TMEM131: variants seen among roughly 807,000 people sequenced by gnomAD.
TMEM131 encodes the protein transmembrane protein 131.
A neutral mutation model predicts 211.6 loss-of-function variants in TMEM131; 66 were observed. That is an observed-to-expected ratio of 0.31 (90% CI 0.26 to 0.38). The LOEUF (loss-of-function observed/expected upper bound fraction) is 0.38, where lower values mean the gene tolerates loss of function less well. Among genes scored for constraint, TMEM131 ranks in the 10% least tolerant of loss-of-function variants. The pLI is 1.00. For missense variants in TMEM131, 2,036 were observed against 2,299.3 expected, an observed-to-expected ratio of 0.89 and a Z score of 2.34; for synonymous variants, 844 against 841.3, an observed-to-expected ratio of 1.00 and a Z score of -0.06.
At position 97,762,189 on chromosome 2, in the gene TMEM131, G is replaced by C. The variant is rs1678890478; in HGVS notation, c.4735C>G (p.Leu1579Val). 1.2e-6 allele frequency: 2 copies of C among 1,613,964 alleles called. No homozygotes were observed. The highest frequency in any genetic ancestry group is 1.7e-6 in the Non-Finnish European group (2 of 1,179,872). ...AGGGTTTGCAGAGAAAGTTTATAAA[G>C]ACTATCAGTAGCTGGAAATTAAAAA... ...VHKPGSSTDSLYKLSLQTLNA... is the reference protein window; with the variant it reads ...VHKPGSSTDSVYKLSLQTLNA... Residue 1579 changes from leucine to valine, a missense_variant, in exon 36 of 41, where the codon CTT becomes GTT. Coordinates refer to ENST00000186436, the MANE Select transcript of TMEM131 (RefSeq NM_015348.2).
chr2:97,995,543 G>T lies in TMEM131; in HGVS notation c.120C>A (p.Ala40=), dbSNP rs909835436. Reference sequence around the variant, plus strand: ...CCAGGTGCAGCGCGCCTAGGAGGCCGGCGGCCGCGCTCCGCGGGCCCCCGC... The same window carrying T: ...CCAGGTGCAGCGCGCCTAGGAGGCCTGCGGCCGCGCTCCGCGGGCCCCCGC... ...ARSGGPRSAA[A]GLLGALHLVM... is the part of the protein sequence containing the mutation. The change falls in exon 1 of 41, where the codon GCC becomes GCA. Residue 40 remains alanine (A), a synonymous_variant. Coordinates refer to ENST00000186436, the MANE Select transcript of TMEM131 (RefSeq NM_015348.2). The T allele has an allele frequency of 4.5e-6, 6 of 1,341,504 alleles. No individual in the cohort carries two copies. The highest frequency in any genetic ancestry group is 5.8e-6 in the Non-Finnish European group (6 of 1,041,748). 83.1% of individuals were successfully genotyped at this position (1,341,504 alleles called of 1,614,324 possible). A position where few individuals can be genotyped will look rare whatever the true frequency, so the allele number is the denominator to read the frequency against.
chr2:97,985,067 T>C (rs1679964476), intron 1 of TMEM131, among the ~76,000 whole-genome samples: 2 of 152,112 alleles, frequency 1.3e-5, no homozygotes, highest in Admixed American at 6.5e-5. Context: ...CTAATAACTC[T>C]TAAAACTAAA....
At chr2:97,902,123 G>T (rs975458817) in intron 3 of TMEM131, among the ~76,000 whole-genome samples, 1 of 151,696 alleles carries the variant, frequency 6.6e-6, no homozygotes, top group South Asian at 2.1e-4. Flanking sequence ...ATCCTAAATG[G>T]GATACAGAGA....
At chr2:97,876,338 C>A (rs533107139) in intron 4 of TMEM131, among the ~76,000 whole-genome samples, 81 of 152,276 alleles carry the variant, frequency 5.3e-4, no homozygotes, top group African/African-American at 1.9e-3. Context: ...AAGAGGGAAT[C>A]CTCCCTAACT....
chr2:97,943,041 G>GAAAAGA (rs779804229), intron 1 of TMEM131, among the ~76,000 whole-genome samples: 80 of 36,570 alleles, frequency 2.2e-3, no homozygotes, highest in South Asian at 7.4e-3. Flanking sequence ...GAAAAGAAAA[G>GAAAAGA]AAAGAAAGAA....
chr2:97,961,991 T>A (rs1198160329), intron 1 of TMEM131, among the ~76,000 whole-genome samples: 1 of 152,200 alleles, frequency 6.6e-6, no homozygotes, highest in Non-Finnish European at 1.5e-5. Flanking sequence ...TCCCACCTCC[T>A]ACCATATATA....
chr2:97,920,520 T>A (rs1383246168), intron 2 of TMEM131, among the ~76,000 whole-genome samples: 1 of 152,202 alleles, frequency 6.6e-6, no homozygotes, highest in East Asian at 1.9e-4. Context: ...CAAGCTCAGA[T>A]GATAGTTTAT....
intron 31 of TMEM131, 35 bp from the exon 32 acceptor site, chr2:97,776,053 TTTTG>T (rs1295477362): frequency 7.6e-6 from 12 of 1,584,400 alleles, no homozygotes; most frequent in Non-Finnish European, 9.4e-6. Flanking sequence ...GAACTCTTGT[TTTTG>T]TTTCTTTTTT....
chr2:97,919,952 C>T (rs1676672943), intron 2 of TMEM131, among the ~76,000 whole-genome samples: 1 of 152,216 alleles, frequency 6.6e-6, no homozygotes, highest in Admixed American at 6.5e-5. Context: ...GTGAAAAACA[C>T]TGTTGGCTAC....
At chr2:97,885,341 G>A (rs931982139) in intron 4 of TMEM131, among the ~76,000 whole-genome samples, 38 of 150,732 alleles carry the variant, frequency 2.5e-4, no homozygotes, top group African/African-American at 8.2e-4. Flanking sequence ...ACAGGCGCCC[G>A]CCACCACGCC....
At chr2:97,898,984 A>C (rs1675735768) in intron 3 of TMEM131, among the ~76,000 whole-genome samples, 1 of 151,942 alleles carries the variant, frequency 6.6e-6, no homozygotes, top group African/African-American at 2.4e-5. Context: ...TCAAATCTAC[A>C]CCCTTGCTGA....
In TMEM131 at chr2:97,794,810, G is replaced by C. The variant is rs573687327; in HGVS notation, c.3386+120C>G. The C allele has an allele frequency of 5.3e-5, 40 of 751,894 alleles. No individual in the cohort carries two copies. In the Admixed American group the frequency reaches 9.9e-4, roughly 19 times the overall value. The allele number at this position is 751,894 out of a possible 1,614,324, so 46.6% of individuals were successfully genotyped here. A position where few individuals can be genotyped will look rare whatever the true frequency, so the allele number is the denominator to read the frequency against. On this transcript the variant is annotated intron_variant, in intron 29 of 40. Transcript: ENST00000186436. ...CCAGTCTGTGAGATTGATAAAGGCA[G>C]AGTTCTGTCTTGTTTGCTGGCATAT...
intron 3 of TMEM131, among the ~76,000 whole-genome samples, chr2:97,905,586 T>A (rs1431051070): frequency 6.6e-6 from 1 of 152,184 alleles, no homozygotes; most frequent in Non-Finnish European, 1.5e-5. Context: ...GTGCTTCAGT[T>A]TAAATTACTG....
chr2:97,819,784 G>A (rs1230351202), intron 11 of TMEM131, among the ~76,000 whole-genome samples: 1 of 152,156 alleles, frequency 6.6e-6, no homozygotes. Flanking sequence ...AGACTTATCA[G>A]GCAAGCCCCT....
At chr2:97,877,256 A>G (rs1364611641) in intron 4 of TMEM131, among the ~76,000 whole-genome samples, 7 of 152,240 alleles carry the variant, frequency 4.6e-5, no homozygotes, top group African/African-American at 1.7e-4. Context: ...GGAAGAATCA[A>G]TATCATGAAA....
chr2:97,760,518 T>C lies in TMEM131; in HGVS notation c.5108+75A>G. Reference sequence around the variant, plus strand: ...TAGGGGAAAAATGCCCTGAAACCCATTTATGGATAAAAAGGTGCTAACCCG... The same window carrying C: ...TAGGGGAAAAATGCCCTGAAACCCACTTATGGATAAAAAGGTGCTAACCCG... On this transcript the variant is annotated intron_variant, in intron 38 of 40. Transcript: ENST00000186436. 5 of 1,306,108 alleles carry C rather than the reference T, an allele frequency of 3.8e-6. No individual in the cohort carries two copies. The South Asian group carries it at 5.0e-5, about 13-fold the overall frequency. 80.9% of individuals were successfully genotyped at this position (1,306,108 alleles called of 1,614,324 possible).
At chr2:97,768,171 G>A (rs1261037309) in intron 33 of TMEM131, among the ~76,000 whole-genome samples, 1 of 152,128 alleles carries the variant, frequency 6.6e-6, no homozygotes, top group East Asian at 1.9e-4. Context: ...AAGGGTTTCC[G>A]TTAGCCCAAA....
intron 1 of TMEM131, among the ~76,000 whole-genome samples, chr2:97,993,592 G>A (rs921605768): frequency 6.6e-6 from 1 of 152,054 alleles, no homozygotes; most frequent in Non-Finnish European, 1.5e-5. Flanking sequence ...TTGGATAACC[G>A]CACACACAAA....
chr2:97,975,253 A>G (rs565178669), intron 1 of TMEM131, among the ~76,000 whole-genome samples: 1 of 152,274 alleles, frequency 6.6e-6, no homozygotes, highest in South Asian at 2.1e-4. Context: ...AGAAAAAAAA[A>G]AGAGAAATAA....
Sources: gnomAD v4.1 joint callset for allele counts (sites outside exome capture counted in the v4.1 genomes callset) on GRCh38, gnomAD v4.1.1 for gene constraint, MANE v1.5 for transcripts, NCBI Gene and HGNC (gene_info 2026-07-23, HGNC 2026-07-21) for gene names.